Variants in PCSK6 observed in about 807,000 individuals in gnomAD.
PCSK6 encodes proprotein convertase subtilisin/kexin type 6, also known as paired basic amino acid cleaving enzyme 4.
Under a neutral mutation model 123.3 loss-of-function variants are expected in PCSK6, and 85 were observed. The observed-to-expected ratio is 0.69, with a 90% CI of 0.58 to 0.83. The LOEUF (loss-of-function observed/expected upper bound fraction) is 0.83, where lower values mean the gene tolerates loss of function less well. PCSK6 is among the 40% of genes least tolerant of loss of function. The pLI, the probability that PCSK6 is intolerant of heterozygous loss-of-function variation, is 0.00. For synonymous variants in PCSK6, 508 were observed against 516.0 expected (o/e 0.98, Z 0.21); for missense variants, 1,191 against 1,282.3 (o/e 0.93, Z 1.09).
chr15:101,432,720 AT>A (rs766142973), intron 2 of PCSK6, among the ~76,000 whole-genome samples: 4 of 152,188 alleles, frequency 2.6e-5, no homozygotes, highest in Non-Finnish European at 4.4e-5. Flanking sequence ...GCCTTGTGAA[AT>A]TGCCGATAAA....
chr15:101,463,943 C>T (rs577108130), intron 1 of PCSK6, among the ~76,000 whole-genome samples: 2 of 152,248 alleles, frequency 1.3e-5, no homozygotes, highest in South Asian at 2.1e-4. Flanking sequence ...ATGGTAGCCC[C>T]AGGGTGTGAT....
intron 1 of PCSK6, among the ~76,000 whole-genome samples, chr15:101,472,927 T>C (rs2057641604): frequency 6.6e-6 from 1 of 152,128 alleles, no homozygotes; most frequent in Non-Finnish European, 1.5e-5. Flanking sequence ...CCTTCCCTGG[T>C]TGGAAAAGGA....
intron 8 of PCSK6, 112 bp downstream of exon 8, chr15:101,393,100 C>T (rs959477106): frequency 1.6e-4 from 147 of 920,340 alleles, no homozygotes; most frequent in Non-Finnish European, 2.3e-4. Context: ...CCCTGGGATC[C>T]GGAACAATCT....
At position 101,347,295 on chromosome 15, in the gene PCSK6, T is replaced by C. The variant is rs527856536; in HGVS notation, c.1859-15264A>G. Reference sequence around the variant, plus strand: ...GAAATGAAGATTAGCTCAAAAGAGATGTCAATAAAACACAGATCAAGATGG... The same window carrying C: ...GAAATGAAGATTAGCTCAAAAGAGACGTCAATAAAACACAGATCAAGATGG... On this transcript the variant is annotated intron_variant, in intron 13 of 21. Coordinates refer to ENST00000611716, the MANE Select transcript of PCSK6 (RefSeq NM_002570.5). 2.4e-5 allele frequency: 30 copies of C among 1,232,852 alleles called. No homozygotes were observed. In the African/African-American group the frequency reaches 4.5e-4, roughly 18 times the overall value. The allele number at this position is 1,232,852 out of a possible 1,614,324, so 76.4% of individuals were successfully genotyped here.
intron 12 of PCSK6, among the ~76,000 whole-genome samples, chr15:101,369,570 A>T (rs1480865123): frequency 6.6e-6 from 1 of 152,258 alleles, no homozygotes; most frequent in African/African-American, 2.4e-5. Flanking sequence ...TGATTTGTCC[A>T]TGAAATTTCT....
chr15:101,376,898 A>G (rs1170306737), intron 11 of PCSK6, among the ~76,000 whole-genome samples: 2 of 152,214 alleles, frequency 1.3e-5, no homozygotes, highest in Non-Finnish European at 2.9e-5. Flanking sequence ...AGGAGAAACC[A>G]GAAGTAAGGG....
chr15:101,440,365 C>T (rs1057387685), intron 2 of PCSK6, among the ~76,000 whole-genome samples: 11 of 152,196 alleles, frequency 7.2e-5, no homozygotes, highest in African/African-American at 2.4e-4. Flanking sequence ...AGGATCAGTG[C>T]GAAGAAGATG....
rs1471475152 is a variant in PCSK6, at chr15:101,429,973, G to A, written c.734+14C>T. ...GGGGAAGAGAAGCCGGGGAGATGAG[G>A]CGAGGTGACGTACTTATTTTCATTG... On this transcript the variant is annotated intron_variant, in intron 5 of 21. Transcript: ENST00000611716. 1.2e-6 allele frequency: 2 copies of A among 1,604,738 alleles called. No homozygotes were observed. The highest frequency in any genetic ancestry group is 1.7e-5 in the Admixed American group (1 of 60,012).
intron 10 of PCSK6, among the ~76,000 whole-genome samples, chr15:101,383,385 G>A (rs1413986647): frequency 2.7e-5 from 4 of 146,092 alleles, no homozygotes; most frequent in Non-Finnish European, 6.0e-5. Context: ...ACTCCAGCTT[G>A]GGCAACAAGA....
intron 13 of PCSK6, among the ~76,000 whole-genome samples, chr15:101,356,694 TA>T (rs2041055606): frequency 7.2e-6 from 1 of 139,032 alleles, no homozygotes; most frequent in African/African-American, 2.5e-5. Context: ...AATAAATAAA[TA>T]AATAAATAAA....
chr15:101,401,806 T>C (rs1436418759), intron 6 of PCSK6, among the ~76,000 whole-genome samples: 7 of 152,246 alleles, frequency 4.6e-5, no homozygotes, highest in African/African-American at 1.7e-4. Flanking sequence ...TCTGTAAAAA[T>C]GGAGGTAGTA....
rs774483933 is a variant in PCSK6 at position 101,431,382 on chromosome 15, C to T, written c.595G>A (p.Val199Met). ...AWKRGYTGKNVVVTILDDGIE... is the reference protein window; with the variant it reads ...AWKRGYTGKNMVVTILDDGIE... Reference sequence around the variant, plus strand: ...CCATCATCAAGGATGGTGACCACCACGTTTTTTCCTGTGTAGCCCCTCTTC... The same window carrying T: ...CCATCATCAAGGATGGTGACCACCATGTTTTTTCCTGTGTAGCCCCTCTTC... The change falls in exon 4 of 22, where the codon GTG (valine) becomes ATG (methionine). Residue 199 changes from valine to methionine, a missense_variant. By Grantham distance (21) the Val-to-Met change is conservative (BLOSUM62 1). Transcript: ENST00000611716. 7.4e-6 allele frequency: 12 copies of T among 1,613,870 alleles called. No homozygotes were observed. The highest frequency in any genetic ancestry group is 1.3e-5 in the African/African-American group (1 of 74,928).
intron 4 of PCSK6, 115 bp from the exon 5 acceptor site, chr15:101,430,178 T>C: frequency 1.3e-6 from 1 of 747,442 alleles, no homozygotes; most frequent in Non-Finnish European, 2.4e-6. Flanking sequence ...CCTCTCTTAC[T>C]ATAGCTATAA....
chr15:101,410,109 T>TAAATTAAAAATTTA (rs2042903256), intron 6 of PCSK6, among the ~76,000 whole-genome samples: 1 of 152,168 alleles, frequency 6.6e-6, no homozygotes, highest in Non-Finnish European at 1.5e-5. Flanking sequence ...ATTTTTAAAT[T>TAAATTAAAAATTTA]GTTTGTAGAC....
chr15:101,483,372 G>T (rs1376809592), intron 1 of PCSK6, among the ~76,000 whole-genome samples: 2 of 152,240 alleles, frequency 1.3e-5, no homozygotes, highest in Non-Finnish European at 2.9e-5. Context: ...TCTGGGCCAG[G>T]TATGTCCTGC....
In PCSK6 at chr15:101,341,061, G is replaced by A. The variant is rs542907606; in HGVS notation, c.1859-9030C>T. On this transcript the variant is annotated intron_variant, in intron 13 of 21. Coordinates refer to ENST00000611716, the MANE Select transcript of PCSK6 (RefSeq NM_002570.5). Reference sequence around the variant, plus strand: ...AGCGATTCTCCTGCCTCAGCCTCCCGAGTAGCTGGGATTACAGATGCCACC... The same window carrying A: ...AGCGATTCTCCTGCCTCAGCCTCCCAAGTAGCTGGGATTACAGATGCCACC... 6.4e-4 allele frequency among the ~76,000 whole-genome samples: 92 copies of A among 143,658 alleles called. 1 individual carries two copies. In the South Asian group the frequency reaches 0.018, roughly 28 times the overall value. 94.2% of individuals were successfully genotyped at this position (143,658 alleles called of 152,430 possible).
Position 101,443,815 on chromosome 15 carries a change from G to A in PCSK6, c.298-155C>T, listed in dbSNP as rs375250439. Among the ~76,000 whole-genome samples, 54 of 152,258 alleles carry A rather than the reference G, an allele frequency of 3.5e-4. 1 individual carries two copies. In the East Asian group the frequency reaches 4.4e-3, roughly 13 times the overall value. On this transcript the variant is annotated intron_variant, in intron 1 of 21. Coordinates refer to ENST00000611716, the MANE Select transcript of PCSK6 (RefSeq NM_002570.5). The stretch of plus-strand genomic sequence containing the variant: ...CCTGCTCCTCATATCTCTGGCATGT[G>A]TGCAGTGTTTATAAACGTGAAGGTG...
intron 5 of PCSK6, among the ~76,000 whole-genome samples, chr15:101,428,807 C>T (rs1390922010): frequency 2.0e-5 from 3 of 152,242 alleles, no homozygotes; most frequent in Non-Finnish European, 2.9e-5. Flanking sequence ...GGAAGCCACA[C>T]AGCTTCAAGG....
At position 101,305,499 on chromosome 15, in the gene PCSK6, G is replaced by C. The variant is rs547530989; in HGVS notation, c.2813-144C>G. 2 of 639,906 alleles carry C rather than the reference G, an allele frequency of 3.1e-6. No homozygotes were observed. The highest frequency in any genetic ancestry group is 3.4e-5 in the South Asian group (2 of 58,380). 39.6% of individuals were successfully genotyped at this position (639,906 alleles called of 1,614,324 possible). A position where few individuals can be genotyped will look rare whatever the true frequency, so the allele number is the denominator to read the frequency against. ...GAGGTGGGTGGATCACCTGAGGTCA[G>C]GAGCTTGAGACCAGTCTAACCAACA... On this transcript the variant is annotated intron_variant, in intron 21 of 21. Transcript: ENST00000611716. The surrounding 1 kb of genome is among the most constrained non-coding windows in gnomAD (Gnocchi z 4.8).
Sources: allele counts gnomAD v4.1 joint callset (sites outside exome capture counted in the v4.1 genomes callset), GRCh38; gene constraint gnomAD v4.1.1; non-coding constraint Gnocchi (gnomAD v3.1); transcripts MANE v1.5; gene names NCBI Gene and HGNC (gene_info 2026-07-23, HGNC 2026-07-21).